KHDRBS3: variants seen among roughly 807,000 people sequenced by gnomAD.
KHDRBS3 encodes the protein KH domain-containing, RNA-binding, signal transduction-associated protein 3.
In KHDRBS3, 23 loss-of-function variants were observed where a neutral mutation model predicts 45.6. That is an observed-to-expected ratio of 0.50 (90% CI 0.36 to 0.72). KHDRBS3 has a LOEUF of 0.72. KHDRBS3 is among the 30% of genes least tolerant of loss of function. The probability of loss-of-function intolerance (pLI) is 0.00; values close to 1 mark genes in which losing one functional copy is unlikely to be tolerated. For synonymous variants in KHDRBS3, 162 were observed against 156.5 expected (o/e 1.04, Z -0.26); for missense variants, 352 against 424.8 (o/e 0.83, Z 1.51).
At chr8:135,568,605 G>A (rs1371543802) in intron 5 of KHDRBS3, among the ~76,000 whole-genome samples, 6 of 152,130 alleles carry the variant, frequency 3.9e-5, no homozygotes, top group Admixed American at 3.9e-4. Context: ...TGAGCTAAGA[G>A]AATAAACACG....
chr8:135,560,948 C>G (rs1258763569), intron 5 of KHDRBS3, among the ~76,000 whole-genome samples: 4 of 152,172 alleles, frequency 2.6e-5, no homozygotes, highest in African/African-American at 9.7e-5. Flanking sequence ...CACTTTACTT[C>G]CTCCATATTA....
At chr8:135,560,902 T>G (rs916141554) in intron 5 of KHDRBS3, among the ~76,000 whole-genome samples, 2 of 152,218 alleles carry the variant, frequency 1.3e-5, no homozygotes, top group African/African-American at 4.8e-5. Flanking sequence ...AAGCAGCTCA[T>G]ATGCTAGGCA....
chr8:135,555,876 C>G (rs913040480), intron 4 of KHDRBS3, among the ~76,000 whole-genome samples: 1 of 151,972 alleles, frequency 6.6e-6, no homozygotes, highest in Admixed American at 6.6e-5. Flanking sequence ...CAAATGTTAT[C>G]CCTCCCCTAG....
chr8:135,644,568 C>T (rs1207890366), intron 7 of KHDRBS3, among the ~76,000 whole-genome samples: 2 of 152,200 alleles, frequency 1.3e-5, no homozygotes, highest in Admixed American at 6.5e-5. Flanking sequence ...CTCTGGTAGA[C>T]GAGGGTGTAA....
At chr8:135,650,253 A>G (rs140218859), downstream of KHDRBS3, among the ~76,000 whole-genome samples, 157 of 152,220 alleles carry the variant, frequency 1.0e-3, 1 homozygote, top group African/African-American at 3.6e-3. Flanking sequence ...CAACTTTGCT[A>G]TTGCCTGTAT....
chr8:135,551,118 T>G (rs1055870938), intron 4 of KHDRBS3, among the ~76,000 whole-genome samples: 19 of 152,286 alleles, frequency 1.2e-4, no homozygotes, highest in Admixed American at 3.3e-4. Flanking sequence ...CAGTGTGGTG[T>G]TTTTTTAATA....
At chr8:135,604,103 T>C (rs1829342882) in intron 6 of KHDRBS3, among the ~76,000 whole-genome samples, 1 of 152,182 alleles carries the variant, frequency 6.6e-6, no homozygotes, top group Admixed American at 6.5e-5. Flanking sequence ...ACATATATTT[T>C]TTATATATGC....
chr8:135,478,507 CT>C (rs1336049340), intron 1 of KHDRBS3, among the ~76,000 whole-genome samples: 14 of 152,180 alleles, frequency 9.2e-5, no homozygotes, highest in African/African-American at 3.4e-4. Flanking sequence ...AATCTGCCCC[CT>C]GGTAACCACA....
intron 7 of KHDRBS3, among the ~76,000 whole-genome samples, chr8:135,609,047 G>A (rs376652599): frequency 1.3e-5 from 2 of 152,120 alleles, no homozygotes; most frequent in African/African-American, 2.4e-5. Flanking sequence ...GGACATTACC[G>A]CGCACCACTG....
chr8:135,463,923 T>C (rs1339807768), intron 1 of KHDRBS3, among the ~76,000 whole-genome samples: 1 of 152,172 alleles, frequency 6.6e-6, no homozygotes, highest in Non-Finnish European at 1.5e-5. Flanking sequence ...TTGAGGCTCT[T>C]CCGTGCCAGC....
At chr8:135,646,781 G>T (rs993310422) in intron 8 of KHDRBS3, among the ~76,000 whole-genome samples, 5 of 152,126 alleles carry the variant, frequency 3.3e-5, no homozygotes, top group African/African-American at 7.2e-5. Context: ...ATCTTCCCAC[G>T]CTGACGAATT....
chr8:135,612,420 T>A (rs1053821425), intron 7 of KHDRBS3, among the ~76,000 whole-genome samples: 1 of 151,866 alleles, frequency 6.6e-6, no homozygotes, highest in Non-Finnish European at 1.5e-5. Context: ...ACTAGTGAAA[T>A]TAAGAAATTT....
intron 6 of KHDRBS3, among the ~76,000 whole-genome samples, chr8:135,586,669 T>G (rs909673329): frequency 6.6e-6 from 1 of 152,212 alleles, no homozygotes; most frequent in Non-Finnish European, 1.5e-5. Flanking sequence ...GGCTTGTCAT[T>G]TCTTTGGAAC....
chr8:135,613,264 G>T (rs1829778717), intron 7 of KHDRBS3, among the ~76,000 whole-genome samples: 1 of 151,922 alleles, frequency 6.6e-6, no homozygotes, highest in Non-Finnish European at 1.5e-5. Flanking sequence ...CGGTGCCACA[G>T]TGGTTAAGTC....
At chr8:135,643,050 C>G (rs1831131966) in intron 7 of KHDRBS3, among the ~76,000 whole-genome samples, 1 of 152,150 alleles carries the variant, frequency 6.6e-6, no homozygotes, top group Non-Finnish European at 1.5e-5. Flanking sequence ...GCCTCAGCCT[C>G]CCAAAGTGCT....
At chr8:135,578,482 A>G (rs1309625838) in intron 5 of KHDRBS3, among the ~76,000 whole-genome samples, 2 of 151,798 alleles carry the variant, frequency 1.3e-5, no homozygotes, top group Non-Finnish European at 2.9e-5. Flanking sequence ...GAAAAAAAAC[A>G]TTATTTTCCA....
chr8:135,596,481 G>A (rs1226562701), intron 6 of KHDRBS3, among the ~76,000 whole-genome samples: 1 of 152,076 alleles, frequency 6.6e-6, no homozygotes, highest in Non-Finnish European at 1.5e-5. Context: ...GTCCTTTGTG[G>A]GACTAAGGTT....
intron 7 of KHDRBS3, among the ~76,000 whole-genome samples, chr8:135,614,590 T>C (rs1829840425): frequency 6.6e-6 from 1 of 151,386 alleles, no homozygotes; most frequent in South Asian, 2.1e-4. Flanking sequence ...TTATAAACTG[T>C]CAACAAAAAT....
chr8:135,531,881 G>A (rs1033477782), intron 2 of KHDRBS3, among the ~76,000 whole-genome samples: 17 of 152,104 alleles, frequency 1.1e-4, no homozygotes, highest in African/African-American at 3.1e-4. Context: ...GCATGGAATT[G>A]TATATATCTC....
Sources: allele counts gnomAD v4.1 joint callset (sites outside exome capture counted in the v4.1 genomes callset), GRCh38; gene constraint gnomAD v4.1.1; transcripts MANE v1.5; gene names NCBI Gene and HGNC (gene_info 2026-07-23, HGNC 2026-07-21).